Variants in SAP130 observed in about 807,000 individuals in gnomAD.
The protein encoded by SAP130 is Sin3A associated protein 130.
In SAP130, 16 loss-of-function variants were observed where a neutral mutation model predicts 103.2. The ratio of observed to expected loss-of-function variants is 0.16; its 90% CI spans 0.10 to 0.24. The LOEUF is 0.24. Ranked by LOEUF, SAP130 falls within the 10% of genes least tolerant of loss-of-function variation. SAP130 has a pLI of 1.00. For synonymous variants in SAP130, 477 were observed against 497.0 expected (o/e 0.96, Z 0.53); for missense variants, 990 against 1,359.7 (o/e 0.73, Z 4.28).
chr2:127,977,610 T>C (rs1681561948), intron 15 of SAP130, among the ~76,000 whole-genome samples: 2 of 152,220 alleles, frequency 1.3e-5, no homozygotes, highest in Non-Finnish European at 2.9e-5. Flanking sequence ...TATCATTTTG[T>C]TTAAATACAC....
At chr2:128,013,998 AC>A (rs1234848586) in intron 5 of SAP130, among the ~76,000 whole-genome samples, 1 of 152,198 alleles carries the variant, frequency 6.6e-6, no homozygotes, top group East Asian at 1.9e-4. Flanking sequence ...AATATTTGTG[AC>A]TTATGTATTA....
In SAP130 at chr2:127,989,625, T is replaced by C; in HGVS notation, c.1719A>G (p.Thr573=). 6.2e-7 allele frequency: 1 copy of C among 1,614,190 alleles called. No individual in the cohort carries two copies. Among genetic ancestry groups the C allele is most frequent in the Non-Finnish European group, 8.5e-7 (1 of 1,180,028 alleles). The change falls in exon 13 of 21, where the codon ACA becomes ACG. Residue 573 remains threonine, a synonymous_variant. Transcript: ENST00000643581. This position sits in a 1 kb window ranked among gnomAD's most constrained non-coding sequence, Gnocchi z 4.6. ...QGIHSATPIN[T]QGLQPAPMGT... ...CCATAGGTGCAGGCTGAAGCCCTTGTGTGTTGATTGGGGTTGCTGAGTGAA... is the reference window on the plus strand; with the variant it reads ...CCATAGGTGCAGGCTGAAGCCCTTGCGTGTTGATTGGGGTTGCTGAGTGAA...
In SAP130 at chr2:128,016,455, G is replaced by A. The variant is rs192310422; in HGVS notation, c.441C>T (p.Thr147=). ...GAGGGATGCTACTCTCCATGGTAAC[G>A]GTAACCTGCCCTGGAACCTTGGGGG... is the stretch of plus-strand genomic sequence containing the variant. ...SLPPKVPGQV[T]VTMESSIPQA... is the part of the protein sequence containing the mutation. The change falls in exon 4 of 21, where the codon ACC becomes ACT. Residue 147 remains threonine, a synonymous_variant. Transcript: ENST00000643581. 50 of 1,613,996 alleles carry A rather than the reference G, an allele frequency of 3.1e-5. No individual in the cohort carries two copies. Among genetic ancestry groups the A allele is most frequent in the East Asian group, 2.7e-4 (12 of 44,874 alleles).
At chr2:127,957,422 C>T (rs1160755085) in intron 15 of SAP130, among the ~76,000 whole-genome samples, 3 of 152,194 alleles carry the variant, frequency 2.0e-5, no homozygotes, top group Non-Finnish European at 4.4e-5. Flanking sequence ...CGCCTATAAT[C>T]CCAGTGCTTT....
chr2:127,995,138 A>G (rs1683083150), intron 11 of SAP130, among the ~76,000 whole-genome samples: 1 of 152,234 alleles, frequency 6.6e-6, no homozygotes, highest in South Asian at 2.1e-4. Flanking sequence ...ATGAACTCAA[A>G]TGTTCTTAAA....
intron 5 of SAP130, 122 bp from the exon 6 acceptor site, chr2:128,013,276 C>G (rs1419205784): frequency 1.3e-6 from 1 of 791,032 alleles, no homozygotes; most frequent in Non-Finnish European, 1.8e-6. Context: ...ATGTATACTT[C>G]CCATTTCATC....
chr2:127,954,893 G>T, intron 16 of SAP130, 93 bp downstream of exon 16: 1 of 1,001,234 alleles, frequency 1.0e-6, no homozygotes. Context: ...GGGAGTCTTG[G>T]CTGAGGGTTA....
intron 7 of SAP130, among the ~76,000 whole-genome samples, chr2:128,002,019 C>T (rs1683597411): frequency 6.6e-6 from 1 of 152,042 alleles, no homozygotes; most frequent in African/African-American, 2.4e-5. Context: ...CTCCACCTCC[C>T]AGGCAGAGGC....
At position 128,017,755 on chromosome 2, in the gene SAP130, T is replaced by C; in HGVS notation, c.273A>G (p.Thr91=). 6.2e-7 allele frequency: 1 copy of C among 1,614,188 alleles called. No individual in the cohort carries two copies. Among genetic ancestry groups the C allele is most frequent in the Non-Finnish European group, 8.5e-7 (1 of 1,180,042 alleles). ...LSTHHAVASA[T]PVAVTAPPAH... ...CTGGCGGGGCTGTCACTGCAACAGGTGTGGCTGATGCGACAGCATGGTGTG... is the reference window on the plus strand; with the variant it reads ...CTGGCGGGGCTGTCACTGCAACAGGCGTGGCTGATGCGACAGCATGGTGTG... Residue 91 remains threonine, a synonymous_variant, in exon 3 of 21, where the codon ACA becomes ACG. Transcript: ENST00000643581.
intron 2 of SAP130, among the ~76,000 whole-genome samples, chr2:128,025,901 C>T (rs1334131852): frequency 6.6e-6 from 1 of 152,164 alleles, no homozygotes; most frequent in Non-Finnish European, 1.5e-5. Flanking sequence ...TAATGCTATA[C>T]TCCTGGACAT....
intron 1 of SAP130, 116 bp downstream of exon 1, chr2:128,027,824 G>A (rs1685631723): frequency 1.5e-6 from 1 of 674,676 alleles, no homozygotes; most frequent in African/African-American, 1.9e-5. Flanking sequence ...CGCAGGAGAC[G>A]AGGATCCTCT....
chr2:128,001,267 C>T (rs1399203304), intron 7 of SAP130, among the ~76,000 whole-genome samples: 1 of 152,164 alleles, frequency 6.6e-6, no homozygotes, highest in Non-Finnish European at 1.5e-5. Context: ...AGGCCACAGG[C>T]GGCAGCTCAC....
chr2:127,969,647 C>CT (rs1394702423), intron 15 of SAP130, among the ~76,000 whole-genome samples: 1 of 152,234 alleles, frequency 6.6e-6, no homozygotes, highest in Non-Finnish European at 1.5e-5. Context: ...CTGGTTCTTT[C>CT]TGCGGGCTTG....
chr2:127,982,164 G>C (rs1339320714), intron 14 of SAP130, among the ~76,000 whole-genome samples: 1 of 149,000 alleles, frequency 6.7e-6, no homozygotes, highest in Non-Finnish European at 1.5e-5. Flanking sequence ...TTTTTACAAA[G>C]AAGAGCAAAA....
intron 15 of SAP130, among the ~76,000 whole-genome samples, chr2:127,961,623 T>C (rs1035704844): frequency 2.0e-5 from 3 of 151,482 alleles, no homozygotes; most frequent in African/African-American, 7.3e-5. Context: ...CCAATACAGG[T>C]AACAACATTC....
At chr2:128,014,392 T>TATCTCAGCCTCCTGAGTGCCATCCTCCC (rs879526464) in intron 5 of SAP130, among the ~76,000 whole-genome samples, 6 of 148,070 alleles carry the variant, frequency 4.1e-5, no homozygotes, top group African/African-American at 1.5e-4. Context: ...GCCATCCTCC[T>TATCTCAGCCTCCTGAGTGCCATCCTCCC]ATCTCAGCCT....
At chr2:127,943,837 A>C (rs775141939) in intron 19 of SAP130, among the ~76,000 whole-genome samples, 3 of 152,206 alleles carry the variant, frequency 2.0e-5, no homozygotes, top group Non-Finnish European at 4.4e-5. Flanking sequence ...AAATCTATTA[A>C]AAATATTCTT....
chr2:127,948,855 A>T (rs1176287360), intron 18 of SAP130, among the ~76,000 whole-genome samples: 3 of 152,176 alleles, frequency 2.0e-5, no homozygotes, highest in African/African-American at 7.2e-5. Flanking sequence ...AGTCCCAATA[A>T]GCATTTAGAC....
At chr2:127,981,893 A>T (rs1283950103) in intron 14 of SAP130, among the ~76,000 whole-genome samples, 1 of 152,034 alleles carries the variant, frequency 6.6e-6, no homozygotes, top group Admixed American at 6.6e-5. Flanking sequence ...AAACCCTGCT[A>T]TAGTCTGTAA....
Sources: gnomAD v4.1 joint callset for allele counts (sites outside exome capture counted in the v4.1 genomes callset) on GRCh38, gnomAD v4.1.1 for gene constraint, Gnocchi (gnomAD v3.1) non-coding constraint, MANE v1.5 for transcripts, NCBI Gene and HGNC (gene_info 2026-07-23, HGNC 2026-07-21) for gene names.